FBLIM1: variants seen among roughly 807,000 people sequenced by gnomAD.
The protein encoded by FBLIM1 is filamin-binding LIM protein 1.
Under a neutral mutation model 37.4 loss-of-function variants are expected in FBLIM1, and 29 were observed. That is an observed-to-expected ratio of 0.77 (90% CI 0.58 to 1.06). FBLIM1 has a LOEUF of 1.06. Ranked by LOEUF, FBLIM1 falls within the 50% of genes least tolerant of loss-of-function variation. The pLI is 0.00. For missense variants in FBLIM1, 449 were observed against 505.6 expected (o/e 0.89, Z 1.07); for synonymous variants, 193 against 199.0 (o/e 0.97, Z 0.25).
In FBLIM1 at chr1:15,774,651, G is replaced by A. The variant is rs1372644669; in HGVS notation, c.745G>A (p.Val249Met). The change falls in exon 7 of 9, where the codon GTG (valine) becomes ATG (methionine). Residue 249 changes from valine (V) to methionine (M), a missense_variant. Val to Met is a conservative substitution (Grantham distance 21). Transcript: ENST00000375766. ...TLERCGKCGE[V>M]VRDHIIRALG... ...GGAGAGGTGCGGCAAGTGTGGCGAGGTGGTCCGGGACCACATCATCAGGGC... is the reference window on the plus strand; with the variant it reads ...GGAGAGGTGCGGCAAGTGTGGCGAGATGGTCCGGGACCACATCATCAGGGC... 6.2e-7 allele frequency: 1 copy of A among 1,613,962 alleles called. No homozygotes were observed. The highest frequency in any genetic ancestry group is 1.3e-5 in the African/African-American group (1 of 75,026).
intron 3 of FBLIM1, 95 bp from the exon 4 acceptor site, chr1:15,767,281 C>T (rs921165650): frequency 1.7e-6 from 2 of 1,168,010 alleles, no homozygotes; most frequent in South Asian, 3.4e-5. Context: ...CGACCGGGGC[C>T]CTCAGCTTCC....
rs140629339 is a variant in FBLIM1, at chr1:15,760,205, A to C, written c.-211+1357A>C. 3.9e-3 allele frequency among the ~76,000 whole-genome samples: 592 copies of C among 150,756 alleles called. 3 individuals are homozygous for C. The highest frequency in any genetic ancestry group is 0.013 in the South Asian group (60 of 4,760). On this transcript the variant is annotated intron_variant, in intron 1 of 8. Transcript: ENST00000375766. Reference sequence around the variant, plus strand: ...ACCACTGCGCAGCCTGGGCCACAGAATGAGACTCTGTCTCAAAATAAATAA... The same window carrying C: ...ACCACTGCGCAGCCTGGGCCACAGACTGAGACTCTGTCTCAAAATAAATAA...
rs915950976 is a variant in FBLIM1, at chr1:15,784,864, G to T, written c.*203G>T. ...TCCTCTACCCTCTGGGCACCAGAAG[G>T]CTCCTGGACCATGAGCTTCACCCCC... On this transcript the variant is annotated 3_prime_UTR_variant, in exon 9 of 9. Coordinates refer to ENST00000375766, the MANE Select transcript of FBLIM1 (RefSeq NM_017556.4). 6 of 442,432 alleles carry T rather than the reference G, an allele frequency of 1.4e-5. No homozygotes were observed. Among genetic ancestry groups the T allele is most frequent in the Non-Finnish European group, 8.2e-6 (2 of 244,318 alleles). 27.4% of individuals were successfully genotyped at this position (442,432 alleles called of 1,614,324 possible). A position where few individuals can be genotyped will look rare whatever the true frequency, so the allele number is the denominator to read the frequency against.
chr1:15,759,952 G>T (rs995386914), intron 1 of FBLIM1, among the ~76,000 whole-genome samples: 4 of 152,206 alleles, frequency 2.6e-5, no homozygotes, highest in Non-Finnish European at 5.9e-5. Context: ...GGCCGGGAGC[G>T]GTGGCTCACG....
intron 5 of FBLIM1, 140 bp downstream of exon 5, chr1:15,768,770 G>C (rs1014692719): frequency 1.9e-6 from 1 of 514,106 alleles, no homozygotes; most frequent in Non-Finnish European, 3.3e-6. Flanking sequence ...TTGTAGTTCG[G>C]CATCCATTTA....
At chr1:15,762,105 TC>T (rs1388130864) in intron 1 of FBLIM1, among the ~76,000 whole-genome samples, 2 of 151,604 alleles carry the variant, frequency 1.3e-5, no homozygotes, top group East Asian at 3.9e-4. Flanking sequence ...TTTTTTTTTT[TC>T]GAGACAGAGT....
chr1:15,778,013 T>G (rs1026346401), intron 8 of FBLIM1, among the ~76,000 whole-genome samples: 1 of 152,050 alleles, frequency 6.6e-6, no homozygotes, highest in Non-Finnish European at 1.5e-5. Context: ...TTAGAAACCC[T>G]AGGGGAAAGA....
At position 15,777,232 on chromosome 1, in the gene FBLIM1, C is replaced by G; in HGVS notation, c.953C>G (p.Ala318Gly). Residue 318 changes from alanine (A) to glycine (G), a missense_variant, in exon 8 of 9, where the codon GCC becomes GGC. By Grantham distance (60) the Ala-to-Gly change is moderately conservative. Transcript: ENST00000375766. ...NPIIPRDGKD[A>G]FKIECMGRNF... ...ATCATCCCTCGGGATGGGAAAGATG[C>G]CTTCAAAATCGAATGCATGGGAAGA... 1 of 1,613,372 alleles carries G rather than the reference C, an allele frequency of 6.2e-7. No individual in the cohort carries two copies. Among genetic ancestry groups the G allele is most frequent in the Non-Finnish European group, 8.5e-7 (1 of 1,179,460 alleles).
chr1:15,760,920 G>A (rs1409360595), intron 1 of FBLIM1, among the ~76,000 whole-genome samples: 2 of 152,136 alleles, frequency 1.3e-5, no homozygotes, highest in Non-Finnish European at 2.9e-5. Flanking sequence ...TGGGACGGGA[G>A]GGAAGCCGGG....
Position 15,765,081 on chromosome 1 carries a change from C to T in FBLIM1, c.98C>T (p.Ala33Val), listed in dbSNP as rs761670577. 2.5e-6 allele frequency: 4 copies of T among 1,614,054 alleles called. No homozygotes were observed. In the East Asian group the frequency reaches 6.7e-5, roughly 27 times the overall value. The change falls in exon 3 of 9, where the codon GCA becomes GTA. Residue 33 changes from alanine to valine, a missense_variant. Physicochemically the swap from Ala to Val is moderately conservative, Grantham distance 64. Transcript: ENST00000375766. The surrounding 1 kb of genome is among the most constrained non-coding windows in gnomAD (Gnocchi z 5.9). ...DVAVAEEVRQ[A>V]VCEARRGRPW... Reference sequence around the variant, plus strand: ...GCCGTGGCGGAGGAAGTGAGGCAGGCAGTTTGTGAGGCCCGGCGTGGCCGC... The same window carrying T: ...GCCGTGGCGGAGGAAGTGAGGCAGGTAGTTTGTGAGGCCCGGCGTGGCCGC...
intron 8 of FBLIM1, among the ~76,000 whole-genome samples, chr1:15,781,724 T>G (rs1447755902): frequency 2.0e-5 from 3 of 146,440 alleles, no homozygotes; most frequent in Non-Finnish European, 4.6e-5. Context: ...TATTGTTTTT[T>G]TTTTTTTTTT....
At chr1:15,766,599 ATT>A in intron 3 of FBLIM1, among the ~76,000 whole-genome samples, 1 of 127,854 alleles carries the variant, frequency 7.8e-6, no homozygotes, top group East Asian at 2.3e-4. Flanking sequence ...GCCCAGCCTA[ATT>A]TTTTTTTTTT....
chr1:15,777,306 G>A lies in FBLIM1; in HGVS notation c.1008+19G>A, dbSNP rs1248990852. On this transcript the variant is annotated intron_variant, in intron 8 of 8. Coordinates refer to ENST00000375766, the MANE Select transcript of FBLIM1 (RefSeq NM_017556.4). The stretch of plus-strand genomic sequence containing the variant: ...GTGTGAGGTGAGTGGAGCCTAGGTG[G>A]TTTAATAACATTCCATTGCTGCGTG... The A allele has an allele frequency of 6.3e-7, 1 of 1,578,838 alleles. No homozygotes were observed. Among genetic ancestry groups the A allele is most frequent in the Non-Finnish European group, 8.7e-7 (1 of 1,150,216 alleles).
intron 8 of FBLIM1, among the ~76,000 whole-genome samples, chr1:15,778,735 A>T (rs2069560726): frequency 6.6e-6 from 1 of 151,376 alleles, no homozygotes; most frequent in Non-Finnish European, 1.5e-5. Flanking sequence ...CCACCTCCCG[A>T]GTTCAAGCGA....
At chr1:15,768,675 C>A in intron 5 of FBLIM1, 45 bp downstream of exon 5, 2 of 1,471,806 alleles carry the variant, frequency 1.4e-6, no homozygotes, top group East Asian at 2.4e-5. Flanking sequence ...TCTCATGGGG[C>A]CAGCATGGGC....
intron 1 of FBLIM1, among the ~76,000 whole-genome samples, chr1:15,762,510 C>G (rs1270339263): frequency 1.3e-5 from 2 of 152,124 alleles, no homozygotes; most frequent in South Asian, 4.1e-4. Flanking sequence ...ATCCAACCAC[C>G]TTGCCCTCCA....
rs1177242423 is a variant in FBLIM1, at chr1:15,773,566, C to T, written c.712-1052C>T. ...GTGGTGGCGCATGCCTGTAATCCCACCTACTCGGGAGGCTGAGGCAGGAGA... is the reference window on the plus strand; with the variant it reads ...GTGGTGGCGCATGCCTGTAATCCCATCTACTCGGGAGGCTGAGGCAGGAGA... On this transcript the variant is annotated intron_variant, in intron 6 of 8. Coordinates refer to ENST00000375766, the MANE Select transcript of FBLIM1 (RefSeq NM_017556.4). Among the ~76,000 whole-genome samples, 5 of 145,738 alleles carry T rather than the reference C, an allele frequency of 3.4e-5. No homozygotes were observed. The Admixed American group carries it at 3.4e-4, about 10-fold the overall frequency.
At chr1:15,768,215 A>G (rs918841951) in intron 4 of FBLIM1, among the ~76,000 whole-genome samples, 3 of 152,110 alleles carry the variant, frequency 2.0e-5, no homozygotes, top group African/African-American at 7.2e-5. Context: ...GGCCCTTAAC[A>G]GAGGCTGTGT....
intron 7 of FBLIM1, chr1:15,776,915 GA>G: frequency 3.3e-6 from 1 of 303,672 alleles, no homozygotes; most frequent in Non-Finnish European, 6.0e-6. Flanking sequence ...AAAAAAGACA[GA>G]TGAGATGGGT....
Sources: allele counts gnomAD v4.1 joint callset (sites outside exome capture counted in the v4.1 genomes callset), GRCh38; gene constraint gnomAD v4.1.1; non-coding constraint Gnocchi (gnomAD v3.1); transcripts MANE v1.5; gene names NCBI Gene and HGNC (gene_info 2026-07-23, HGNC 2026-07-21).